The following SMARCA2 variants were observed in gnomAD, a reference collection of about 807,000 sequenced individuals.
SMARCA2 encodes SWI/SNF-related matrix-associated actin-dependent regulator of chromatin subfamily A member 2.
In SMARCA2, 61 loss-of-function variants were observed where a neutral mutation model predicts 199.8. The observed-to-expected ratio is 0.31, with a 90% CI of 0.25 to 0.38. The LOEUF is 0.38. Among genes scored for constraint, SMARCA2 ranks in the 10% least tolerant of loss-of-function variants. The pLI is 1.00. For missense variants in SMARCA2, 1,344 were observed against 2,012.2 expected, an observed-to-expected ratio of 0.67 and a Z score of 6.35; for synonymous variants, 935 against 732.0, an observed-to-expected ratio of 1.28 and a Z score of -4.48.
At chr9:2,030,482 G>A (rs1293695226) in intron 2 of SMARCA2, among the ~76,000 whole-genome samples, 1 of 151,970 alleles carries the variant, frequency 6.6e-6, no homozygotes, top group Non-Finnish European at 1.5e-5. Flanking sequence ...CAAGTCTGAG[G>A]GCAGGAGAAG....
chr9:2,083,096 C>T (rs996973004), intron 15 of SMARCA2, among the ~76,000 whole-genome samples: 1 of 151,918 alleles, frequency 6.6e-6, no homozygotes. Context: ...TTTTTGCTCT[C>T]TATATTTATG....
At chr9:2,155,113 A>G (rs1825280243) in intron 27 of SMARCA2, among the ~76,000 whole-genome samples, 1 of 152,180 alleles carries the variant, frequency 6.6e-6, no homozygotes, top group African/African-American at 2.4e-5. Flanking sequence ...AATACTTCAC[A>G]TTTATAATTT....
In SMARCA2 at chr9:2,056,786, G is replaced by A; in HGVS notation, c.1288G>A (p.Glu430Lys). The change falls in exon 7 of 34, where the codon GAG becomes AAG. Residue 430 changes from glutamate to lysine, a missense_variant. By Grantham distance (56) the Glu-to-Lys change is moderately conservative. Coordinates refer to ENST00000349721, the MANE Select transcript of SMARCA2 (RefSeq NM_003070.5). The surrounding 1 kb of genome is among the most constrained non-coding windows in gnomAD (Gnocchi z 4.0). ...RQTLREARMT[E>K]KLEKQQKIEQ... ...GACTCTGAGAGAAGCTCGCATGACC[G>A]AGAAGCTGGAGAAGCAGCAGAAGAT... 1 of 1,614,180 alleles carries A rather than the reference G, an allele frequency of 6.2e-7. No homozygotes were observed. The highest frequency in any genetic ancestry group is 8.5e-7 in the Non-Finnish European group (1 of 1,180,024).
intron 27 of SMARCA2, among the ~76,000 whole-genome samples, chr9:2,129,599 G>A (rs1460783430): frequency 6.6e-6 from 1 of 152,122 alleles, no homozygotes; most frequent in Non-Finnish European, 1.5e-5. Flanking sequence ...GTTTCACAAT[G>A]TATAGGCATG....
intron 27 of SMARCA2, among the ~76,000 whole-genome samples, chr9:2,131,038 T>C (rs529411602): frequency 9.8e-5 from 15 of 152,366 alleles, no homozygotes; most frequent in African/African-American, 3.6e-4. Context: ...GTTCCTTTGC[T>C]CTTTCTGCCA....
At chr9:2,180,987 A>T (rs964320141) in intron 29 of SMARCA2, among the ~76,000 whole-genome samples, 2 of 152,180 alleles carry the variant, frequency 1.3e-5, no homozygotes, top group African/African-American at 4.8e-5. Context: ...GCAAGTAATA[A>T]TAAAGGTATG....
chr9:2,022,784 G>C (rs1315287184), intron 1 of SMARCA2, among the ~76,000 whole-genome samples: 1 of 152,190 alleles, frequency 6.6e-6, no homozygotes, highest in Non-Finnish European at 1.5e-5. Context: ...AGGAGAGACA[G>C]GCATATGTGT....
intron 13 of SMARCA2, among the ~76,000 whole-genome samples, chr9:2,076,926 CTG>C (rs1421540988): frequency 6.6e-6 from 1 of 152,122 alleles, no homozygotes; most frequent in Non-Finnish European, 1.5e-5. Flanking sequence ...TAAAAGAAAA[CTG>C]TTGTGAAACA....
chr9:2,184,353 C>CTTTCT (rs1413461614), intron 31 of SMARCA2, among the ~76,000 whole-genome samples: 1 of 129,422 alleles, frequency 7.7e-6, no homozygotes, highest in East Asian at 2.2e-4. Context: ...AGGATAATAT[C>CTTTCT]TTTTTTTTTT....
chr9:2,156,621 G>A (rs1462273083), intron 27 of SMARCA2, among the ~76,000 whole-genome samples: 1 of 151,716 alleles, frequency 6.6e-6, no homozygotes, highest in Admixed American at 6.6e-5. Flanking sequence ...AGTAGAGATG[G>A]GGCTTCTCCA....
chr9:2,192,779 CCTCCCCTGTCTCATTT>C lies in SMARCA2; in HGVS notation c.*43_*58del. On this transcript the variant is annotated 3_prime_UTR_variant, in exon 34 of 34. Transcript: ENST00000349721. ...TTTCCTTGGTAGAACTGAATTCCTT[CCTCCCCTGTCTCATTT>C]CTACCCAGTGAGTTCATTTGTCATA... 6.8e-7 allele frequency: 1 copy of C among 1,466,210 alleles called. No individual in the cohort carries two copies. The allele number at this position is 1,466,210 out of a possible 1,614,324, so 90.8% of individuals were successfully genotyped here.
chr9:2,016,566 G>A lies in SMARCA2; in HGVS notation c.-37+1162G>A, dbSNP rs1253097240. The A allele has an allele frequency of 1.3e-5, 2 of 152,336 alleles. No homozygotes were observed. Among genetic ancestry groups the A allele is most frequent in the African/African-American group, 2.4e-5 (1 of 41,446 alleles). 9.4% of individuals were successfully genotyped at this position (152,336 alleles called of 1,614,324 possible). On this transcript the variant is annotated intron_variant, in intron 1 of 33. Transcript: ENST00000349721. The surrounding 1 kb of genome is among the most constrained non-coding windows in gnomAD (Gnocchi z 5.6). ...GGCGGCTGCGGGCCCGGGAGGCCAT[G>A]ATCCGGATAATCCTGTCTGCCTGAC...
At chr9:2,177,603 A>G (rs1376200789) in intron 29 of SMARCA2, among the ~76,000 whole-genome samples, 1 of 151,806 alleles carries the variant, frequency 6.6e-6, no homozygotes, top group African/African-American at 2.4e-5. Context: ...CCCAGGCTGG[A>G]GTGCAGTGGC....
intron 31 of SMARCA2, among the ~76,000 whole-genome samples, chr9:2,185,781 A>G (rs1450984447): frequency 6.6e-6 from 1 of 152,226 alleles, no homozygotes; most frequent in Admixed American, 6.5e-5. Flanking sequence ...ATTTGGTAGA[A>G]CAATTCAAAT....
intron 24 of SMARCA2, among the ~76,000 whole-genome samples, chr9:2,113,638 A>T (rs1823098491): frequency 6.6e-6 from 1 of 152,198 alleles, no homozygotes; most frequent in African/African-American, 2.4e-5. Flanking sequence ...TAGATGGGTG[A>T]TCTGAAACAC....
chr9:2,141,751 G>A (rs1015521429), intron 27 of SMARCA2, among the ~76,000 whole-genome samples: 1 of 152,086 alleles, frequency 6.6e-6, no homozygotes, highest in Non-Finnish European at 1.5e-5. Context: ...GTGCATAGAT[G>A]TGCCTCTTCA....
chr9:2,091,513 G>C (rs755865429), intron 19 of SMARCA2, among the ~76,000 whole-genome samples: 1 of 152,054 alleles, frequency 6.6e-6, no homozygotes, highest in Non-Finnish European at 1.5e-5. Flanking sequence ...TTTGACATTT[G>C]GGTCATTTCT....
intron 9 of SMARCA2, among the ~76,000 whole-genome samples, chr9:2,069,882 C>A (rs1289103756): frequency 6.6e-6 from 1 of 152,156 alleles, no homozygotes; most frequent in East Asian, 1.9e-4. Flanking sequence ...GATCCTGTCA[C>A]CCAGGTGGAG....
At chr9:2,164,852 T>C (rs1243996194) in intron 28 of SMARCA2, among the ~76,000 whole-genome samples, 1 of 152,118 alleles carries the variant, frequency 6.6e-6, no homozygotes, top group Non-Finnish European at 1.5e-5. Flanking sequence ...AGCTCCCACA[T>C]TTAGATGCTT....
Sources: gnomAD v4.1 joint callset for allele counts (sites outside exome capture counted in the v4.1 genomes callset) on GRCh38, gnomAD v4.1.1 for gene constraint, Gnocchi (gnomAD v3.1) non-coding constraint, MANE v1.5 for transcripts, NCBI Gene and HGNC (gene_info 2026-07-23, HGNC 2026-07-21) for gene names.